Variants in CLCN6 observed in about 807,000 individuals in gnomAD.
The protein encoded by CLCN6 is Cl-/H+ antiporter 6, also known as H(+)/Cl(-) exchange transporter 6.
CLCN6 carries 70 observed loss-of-function variants against 109.8 expected under a neutral mutation model. That is an observed-to-expected ratio of 0.64 (90% CI 0.53 to 0.78). The LOEUF is 0.78. Ranked by LOEUF, CLCN6 falls within the 30% of genes least tolerant of loss-of-function variation. The pLI is 0.00. For synonymous variants in CLCN6, 444 were observed against 447.8 expected, an observed-to-expected ratio of 0.99 and a Z score of 0.11; for missense variants, 984 against 1,142.3, an observed-to-expected ratio of 0.86 and a Z score of 2.00.
At chr1:11,828,066 C>CA in intron 10 of CLCN6, 40 bp from the exon 11 acceptor site, 1 of 1,456,984 alleles carries the variant, frequency 6.9e-7, no homozygotes, top group Non-Finnish European at 9.6e-7. Flanking sequence ...TAGGACATGC[C>CA]ACTCCTGAAC....
intron 20 of CLCN6, among the ~76,000 whole-genome samples, 169 bp downstream of exon 20, chr1:11,837,668 A>G (rs1376384641): frequency 6.6e-6 from 1 of 152,154 alleles, no homozygotes; most frequent in African/African-American, 2.4e-5. Flanking sequence ...GAGAAGCAAC[A>G]GCGGTTTATT....
Position 11,834,037 on chromosome 1 carries a change from TGTGTGTGTGC to T in CLCN6, c.1526+19_1526+28del, listed in dbSNP as rs776776579. 26 of 1,613,444 alleles carry T rather than the reference TGTGTGTGTGC, an allele frequency of 1.6e-5. 1 individual carries two copies. Among genetic ancestry groups the T allele is most frequent in the African/African-American group, 4.0e-5 (3 of 74,914 alleles). ...TTGCCAATGTCCTAAAAAGGTACTC[TGTGTGTGTGC>T]GTGTGTGTGCGCATGTGCATGTGTG... On this transcript the variant is annotated splice_region_variant and intron_variant, in intron 15 of 22. Coordinates refer to ENST00000346436, the MANE Select transcript of CLCN6 (RefSeq NM_001286.5). The surrounding 1 kb of genome is among the most constrained non-coding windows in gnomAD (Gnocchi z 4.5).
intron 5 of CLCN6, among the ~76,000 whole-genome samples, chr1:11,821,369 C>T (rs1430989951): frequency 6.6e-6 from 1 of 152,128 alleles, no homozygotes; most frequent in African/African-American, 2.4e-5. Flanking sequence ...ACCAGCCTGG[C>T]CAACATGGTG....
chr1:11,820,909 TAC>T, intron 5 of CLCN6: 1 of 152,138 alleles, frequency 6.6e-6, no homozygotes, highest in South Asian at 2.1e-4. Flanking sequence ...ACCCCATCTC[TAC>T]TAAAAGTACA....
chr1:11,822,945 C>T, intron 6 of CLCN6, 144 bp downstream of exon 6: 1 of 625,160 alleles, frequency 1.6e-6, no homozygotes, highest in South Asian at 1.9e-5. Context: ...GTAAAGGTTT[C>T]ACCTCTGGTG....
chr1:11,812,678 GTGT>G lies in CLCN6; in HGVS notation c.148-3167_148-3165del, dbSNP rs1408387566. Among the ~76,000 whole-genome samples, 146 of 148,724 alleles carry G rather than the reference GTGT, an allele frequency of 9.8e-4. 1 individual carries two copies. Among genetic ancestry groups the G allele is most frequent in the African/African-American group, 3.4e-3 (139 of 40,624 alleles). On this transcript the variant is annotated intron_variant, in intron 2 of 22. Coordinates refer to ENST00000346436, the MANE Select transcript of CLCN6 (RefSeq NM_001286.5). Reference sequence around the variant, plus strand: ...ACAAAGTATGTTTGTGTGTGTGTGTGTGTGTGTGTGTGTGTGTGTGTGTGTGTG... The same window carrying G: ...ACAAAGTATGTTTGTGTGTGTGTGTGGTGTGTGTGTGTGTGTGTGTGTGTG...
At position 11,828,239 on chromosome 1, in the gene CLCN6, C is replaced by T. The variant is rs751480840; in HGVS notation, c.954+20C>T. On this transcript the variant is annotated intron_variant, in intron 11 of 22. Transcript: ENST00000346436. ...TTTAAGGTATGTTTTGTCCTTTCCCCAAGGATTTTTAATTTGACCCATGAA... is the reference window on the plus strand; with the variant it reads ...TTTAAGGTATGTTTTGTCCTTTCCCTAAGGATTTTTAATTTGACCCATGAA... 5 of 1,595,900 alleles carry T rather than the reference C, an allele frequency of 3.1e-6. No homozygotes were observed. In the Admixed American group the frequency reaches 8.4e-5, roughly 27 times the overall value.
Position 11,834,363 on chromosome 1 carries a change from A to C in CLCN6, c.1654A>C (p.Thr552Pro). ...CCTGATCGAGTCCACCAATGAGATC[A>C]CCTACGGGCTCCCCATCATGGTCAC... The part of the protein sequence containing the change: ...VILIESTNEI[T>P]YGLPIMVTLM... The change falls in exon 16 of 23, where the codon ACC (threonine) becomes CCC (proline). Residue 552 changes from threonine to proline, a missense_variant. Thr to Pro is a conservative substitution (Grantham distance 38, BLOSUM62 -1). Coordinates refer to ENST00000346436, the MANE Select transcript of CLCN6 (RefSeq NM_001286.5). This position sits in a 1 kb window ranked among gnomAD's most constrained non-coding sequence, Gnocchi z 4.5. 1 of 1,613,808 alleles carries C rather than the reference A, an allele frequency of 6.2e-7. No homozygotes were observed. The highest frequency in any genetic ancestry group is 1.6e-4 in the Middle Eastern group (1 of 6,062).
At chr1:11,809,851 G>A (rs915284884) in intron 2 of CLCN6, among the ~76,000 whole-genome samples, 1 of 152,180 alleles carries the variant, frequency 6.6e-6, no homozygotes, top group Non-Finnish European at 1.5e-5. Flanking sequence ...GAGAGCACTT[G>A]CTTTGTGTAA....
chr1:11,826,066 T>TC (rs1164923008), intron 8 of CLCN6, 90 bp from the exon 9 acceptor site: 2 of 972,714 alleles, frequency 2.1e-6, no homozygotes, highest in Non-Finnish European at 3.2e-6. Flanking sequence ...TGACCTGTGT[T>TC]CTTTTTTTTT....
intron 6 of CLCN6, among the ~76,000 whole-genome samples, chr1:11,823,419 A>T (rs1222587474): frequency 6.6e-6 from 1 of 151,980 alleles, no homozygotes; most frequent in Non-Finnish European, 1.5e-5. Flanking sequence ...GGAGGTTGCA[A>T]TGAGTGGAGA....
intron 5 of CLCN6, among the ~76,000 whole-genome samples, chr1:11,819,843 G>A (rs1054398559): frequency 3.9e-5 from 6 of 152,144 alleles, no homozygotes; most frequent in African/African-American, 1.4e-4. Flanking sequence ...AATTTGTTGT[G>A]GAACTCAGAA....
Position 11,819,519 on chromosome 1 carries a change from T to G in CLCN6, c.311T>G (p.Leu104Arg). Residue 104 changes from leucine (L) to arginine (R), a missense_variant, in exon 5 of 23, where the codon CTC becomes CGC. Transcript: ENST00000346436. ...CTCTTTGTGGACTTTTTTGTGCGAC[T>G]CTTCACCCAACTCAAGTTCGGAGTG... ...VGLFVDFFVRLFTQLKFGVVQ... is the reference protein window; with the variant it reads ...VGLFVDFFVRRFTQLKFGVVQ... 6.2e-7 allele frequency: 1 copy of G among 1,614,238 alleles called. No individual in the cohort carries two copies. Among genetic ancestry groups the G allele is most frequent in the African/African-American group, 1.3e-5 (1 of 75,056 alleles).
chr1:11,819,955 T>C (rs1306773018), intron 5 of CLCN6, among the ~76,000 whole-genome samples: 1 of 152,114 alleles, frequency 6.6e-6, no homozygotes, highest in Non-Finnish European at 1.5e-5. Context: ...TCAAGTCTTA[T>C]AAAATTAACA....
At position 11,834,190 on chromosome 1, in the gene CLCN6, T is replaced by C. The variant is rs767059254; in HGVS notation, c.1527-46T>C. The C allele has an allele frequency of 1.9e-6, 3 of 1,600,462 alleles. No homozygotes were observed. In the South Asian group the frequency reaches 3.4e-5, roughly 18 times the overall value. On this transcript the variant is annotated intron_variant, in intron 15 of 22. Transcript: ENST00000346436. The surrounding 1 kb of genome is among the most constrained non-coding windows in gnomAD (Gnocchi z 4.5). ...TGAGCTGTAGGTCCTCCCCACAGCC[T>C]ATCAGTGTGGTTCAAAGCCATGTTC...
chr1:11,828,359 G>A, intron 11 of CLCN6, 99 bp from the exon 12 acceptor site: 1 of 1,524,556 alleles, frequency 6.6e-7, no homozygotes, highest in Non-Finnish European at 9.1e-7. Flanking sequence ...TGCCGTGCGG[G>A]AAAGCAGCCC....
intron 4 of CLCN6, among the ~76,000 whole-genome samples, chr1:11,818,338 C>T (rs1644700172): frequency 6.6e-6 from 1 of 151,616 alleles, no homozygotes; most frequent in Non-Finnish European, 1.5e-5. Flanking sequence ...TGACACGATT[C>T]TCAGGAAATA....
At chr1:11,825,590 A>G (rs56153133) in intron 8 of CLCN6, among the ~76,000 whole-genome samples, 21,433 of 152,220 alleles carry the variant, frequency 0.14, 1,608 homozygotes, top group South Asian at 0.2. Flanking sequence ...GCTCCTCCCA[A>G]GGGTGGGGGG....
intron 8 of CLCN6, 82 bp downstream of exon 8, chr1:11,824,635 C>G: frequency 9.2e-7 from 1 of 1,090,938 alleles, no homozygotes; most frequent in Non-Finnish European, 1.3e-6. Context: ...CATTGGGACA[C>G]CCTGACATCA....
Sources: gnomAD v4.1 joint callset for allele counts (sites outside exome capture counted in the v4.1 genomes callset) on GRCh38, gnomAD v4.1.1 for gene constraint, Gnocchi (gnomAD v3.1) non-coding constraint, MANE v1.5 for transcripts, NCBI Gene and HGNC (gene_info 2026-07-23, HGNC 2026-07-21) for gene names.